Variants in ULK4 observed in about 807,000 individuals in gnomAD.
The protein encoded by ULK4 is inactive serine/threonine-protein kinase ULK4.
Under a neutral mutation model 160.6 loss-of-function variants are expected in ULK4, and 133 were observed. The ratio of observed to expected loss-of-function variants is 0.83; its 90% CI spans 0.72 to 0.96. The LOEUF (loss-of-function observed/expected upper bound fraction) is 0.96, where lower values mean the gene tolerates loss of function less well. ULK4 is among the 40% of genes least tolerant of loss of function. The probability of loss-of-function intolerance (pLI) is 0.00; values close to 1 mark genes in which losing one functional copy is unlikely to be tolerated. For missense variants in ULK4, 1,580 were observed against 1,499.5 expected (o/e 1.05, Z -0.89); for synonymous variants, 534 against 539.8 (o/e 0.99, Z 0.15).
chr3:41,745,290 A>G (rs1295833476), intron 22 of ULK4, among the ~76,000 whole-genome samples: 1 of 151,668 alleles, frequency 6.6e-6, no homozygotes, highest in Non-Finnish European at 1.5e-5. Flanking sequence ...TAAAAACAGA[A>G]GAGGTACACA....
chr3:41,803,896 T>G (rs554448261), intron 19 of ULK4, among the ~76,000 whole-genome samples: 9 of 152,362 alleles, frequency 5.9e-5, no homozygotes, highest in Non-Finnish European at 1.0e-4. Context: ...TGTTGGACAT[T>G]TGGATTGGTT....
chr3:41,833,289 T>TG (rs2041652842), intron 18 of ULK4, among the ~76,000 whole-genome samples: 6 of 137,964 alleles, frequency 4.3e-5, no homozygotes, highest in South Asian at 2.3e-4. Flanking sequence ...TTTTTTTGTT[T>TG]TTTTTTTTTT....
chr3:41,658,153 A>C (rs1165610315), intron 30 of ULK4, among the ~76,000 whole-genome samples: 2 of 152,224 alleles, frequency 1.3e-5, no homozygotes, highest in Non-Finnish European at 2.9e-5. Flanking sequence ...TTTTGAATTA[A>C]TAGGCACTTG....
chr3:41,285,523 A>G (rs2079439868), intron 35 of ULK4, among the ~76,000 whole-genome samples: 1 of 152,184 alleles, frequency 6.6e-6, no homozygotes. Context: ...TCTCACCGAT[A>G]CATGGGAGCT....
At chr3:41,279,223 AAGT>A (rs2079294021) in intron 35 of ULK4, among the ~76,000 whole-genome samples, 1 of 150,650 alleles carries the variant, frequency 6.6e-6, no homozygotes, top group Non-Finnish European at 1.5e-5. Flanking sequence ...TAATGAAATA[AAGT>A]ATAAAGAAAA....
intron 27 of ULK4, among the ~76,000 whole-genome samples, chr3:41,690,832 C>T (rs1011275283): frequency 6.6e-6 from 1 of 151,832 alleles, no homozygotes; most frequent in Admixed American, 6.6e-5. Context: ...GGACAGAGCA[C>T]CTATATGCAA....
intron 31 of ULK4, among the ~76,000 whole-genome samples, chr3:41,577,598 C>T (rs961208756): frequency 2.6e-5 from 4 of 151,552 alleles, no homozygotes; most frequent in Non-Finnish European, 5.9e-5. Context: ...ACCATCCCCA[C>T]CTCCCCCTCC....
intron 5 of ULK4, 161 bp downstream of exon 5, chr3:41,931,683 G>A (rs1020989731): frequency 3.5e-6 from 3 of 858,594 alleles, no homozygotes; most frequent in African/African-American, 3.4e-5. Context: ...TTTAGGCCAT[G>A]GACAAAGCCA....
intron 1 of ULK4, among the ~76,000 whole-genome samples, chr3:41,961,383 C>T (rs1700660212): frequency 6.6e-6 from 1 of 152,200 alleles, no homozygotes; most frequent in African/African-American, 2.4e-5. Context: ...TGTGTTACTA[C>T]ACGCCCTGGG....
chr3:41,473,750 TA>T (rs924452036), intron 32 of ULK4, among the ~76,000 whole-genome samples: 1 of 149,870 alleles, frequency 6.7e-6, no homozygotes, highest in Non-Finnish European at 1.5e-5. Context: ...ACAATAGTTG[TA>T]AAAAAATACT....
chr3:41,422,833 A>C (rs1256287405), intron 34 of ULK4, among the ~76,000 whole-genome samples: 2 of 152,204 alleles, frequency 1.3e-5, no homozygotes, highest in African/African-American at 4.8e-5. Context: ...TCACTTCTGG[A>C]GTTTATCTAA....
chr3:41,602,020 C>T (rs1429349764), intron 31 of ULK4, among the ~76,000 whole-genome samples: 2 of 151,894 alleles, frequency 1.3e-5, no homozygotes, highest in Non-Finnish European at 2.9e-5. Context: ...ATAGTGAGAC[C>T]CTGTCTCTAC....
chr3:41,255,779 G>A (rs1358461695), intron 35 of ULK4, among the ~76,000 whole-genome samples: 1 of 152,132 alleles, frequency 6.6e-6, no homozygotes, highest in Non-Finnish European at 1.5e-5. Flanking sequence ...CCACAATCAT[G>A]GTGACATACT....
chr3:41,559,834 C>T (rs901941492), intron 32 of ULK4, among the ~76,000 whole-genome samples: 1 of 152,260 alleles, frequency 6.6e-6, no homozygotes, highest in Admixed American at 6.5e-5. Context: ...CCTATTCACA[C>T]TGATGGTAGT....
chr3:41,315,392 G>A (rs2125724390), intron 35 of ULK4, among the ~76,000 whole-genome samples: 1 of 152,278 alleles, frequency 6.6e-6, no homozygotes, highest in African/African-American at 2.4e-5. Context: ...ACTCTTTTGA[G>A]TAAAAATGGT....
At chr3:41,926,374 A>T (rs1474976324) in intron 5 of ULK4, among the ~76,000 whole-genome samples, 1 of 152,210 alleles carries the variant, frequency 6.6e-6, no homozygotes, top group Non-Finnish European at 1.5e-5. Flanking sequence ...AGGTAGATAA[A>T]TCCACAAAGA....
At chr3:41,517,669 C>G (rs1319816566) in intron 32 of ULK4, among the ~76,000 whole-genome samples, 1 of 152,206 alleles carries the variant, frequency 6.6e-6, no homozygotes, top group African/African-American at 2.4e-5. Flanking sequence ...GGTGCCGTGA[C>G]TAAAGCACTC....
rs1177214222 is a variant in ULK4 at position 41,653,040 on chromosome 3, G to T, written c.3071+10567C>A. ...ATTTGTGATGCTTTGATATCCTGGG[G>T]TTTTACTAATCTAGAAGGAATGCCT... On this transcript the variant is annotated intron_variant, in intron 30 of 36. Transcript: ENST00000301831. 2.0e-5 allele frequency among the ~76,000 whole-genome samples: 3 copies of T among 152,140 alleles called. No individual in the cohort carries two copies. The East Asian group carries it at 5.8e-4, about 29-fold the overall frequency.
intron 35 of ULK4, among the ~76,000 whole-genome samples, chr3:41,368,541 C>T (rs1260353316): frequency 1.3e-5 from 2 of 152,168 alleles, no homozygotes. Context: ...CTCTCTATAG[C>T]CTCCAGCAAC....
Sources: gnomAD v4.1 joint callset for allele counts (sites outside exome capture counted in the v4.1 genomes callset) on GRCh38, gnomAD v4.1.1 for gene constraint, MANE v1.5 for transcripts, NCBI Gene and HGNC (gene_info 2026-07-23, HGNC 2026-07-21) for gene names.